PEX5L: variants seen among roughly 807,000 people sequenced by gnomAD.
PEX5L encodes the protein peroxisomal biogenesis factor 5 like, also known as PEX5-related protein.
In PEX5L, 30 loss-of-function variants were observed where a neutral mutation model predicts 84.0. That is an observed-to-expected ratio of 0.36 (90% CI 0.27 to 0.48). The LOEUF (loss-of-function observed/expected upper bound fraction) is 0.48. PEX5L is among the 20% of genes least tolerant of loss of function. PEX5L has a pLI of 0.99. For synonymous variants in PEX5L, 270 were observed against 283.1 expected (o/e 0.95, Z 0.46); for missense variants, 533 against 754.6 (o/e 0.71, Z 3.44).
chr3:179,948,717 GA>G (rs1434844277), intron 2 of PEX5L, among the ~76,000 whole-genome samples: 2 of 152,084 alleles, frequency 1.3e-5, no homozygotes, highest in Non-Finnish European at 2.9e-5. Flanking sequence ...ACCAGCTGCT[GA>G]AAAAACAAAG....
chr3:179,985,531 C>A (rs1038202041), intron 1 of PEX5L, among the ~76,000 whole-genome samples: 1 of 152,010 alleles, frequency 6.6e-6, no homozygotes, highest in African/African-American at 2.4e-5. Flanking sequence ...AGGACTGGTT[C>A]AAACCAGCTT....
chr3:179,852,257 G>A (rs768736309), intron 8 of PEX5L, among the ~76,000 whole-genome samples: 4 of 152,142 alleles, frequency 2.6e-5, no homozygotes, highest in Admixed American at 6.6e-5. Context: ...TCCCTCATGT[G>A]GTGTGGACAG....
At chr3:179,915,933 T>C (rs1371708914) in intron 2 of PEX5L, among the ~76,000 whole-genome samples, 2 of 152,210 alleles carry the variant, frequency 1.3e-5, no homozygotes, top group African/African-American at 2.4e-5. Context: ...AAGTTTCCAG[T>C]TGAATCTCAC....
At chr3:179,870,086 C>T (rs111408759) in intron 7 of PEX5L, among the ~76,000 whole-genome samples, 16 of 152,270 alleles carry the variant, frequency 1.1e-4, no homozygotes, top group African/African-American at 3.6e-4. Context: ...GAATTGCATG[C>T]CAGGTTCTGG....
At chr3:180,028,449 A>G (rs964406041) in intron 1 of PEX5L, among the ~76,000 whole-genome samples, 40 of 152,360 alleles carry the variant, frequency 2.6e-4, no homozygotes, top group African/African-American at 9.4e-4. Context: ...TTATACTACA[A>G]CTGAAAAGCA....
intron 6 of PEX5L, among the ~76,000 whole-genome samples, chr3:179,874,726 GTTTTTTTTTTTGTTTTTTTT>G (rs1238560200): frequency 2.9e-4 from 13 of 45,204 alleles, no homozygotes; most frequent in South Asian, 2.3e-3. Flanking sequence ...AAAAATTATG[GTTTTTTTTTTTGTTTTTTTT>G]TTTTTTTTTT....
chr3:179,889,616 T>G (rs557238079), intron 3 of PEX5L, among the ~76,000 whole-genome samples: 1 of 152,322 alleles, frequency 6.6e-6, no homozygotes, highest in African/African-American at 2.4e-5. Context: ...CCTCGCAGAT[T>G]TTGCTAGGAA....
chr3:179,923,258 TC>T (rs2109450516), intron 2 of PEX5L, among the ~76,000 whole-genome samples: 1 of 125,506 alleles, frequency 8.0e-6, no homozygotes, highest in South Asian at 2.6e-4. Flanking sequence ...GCCACTGCAC[TC>T]CAGCCTGGGC....
At chr3:179,973,191 A>G (rs1560997222) in intron 1 of PEX5L, 1 of 1,288,980 alleles carries the variant, frequency 7.8e-7, no homozygotes, top group Non-Finnish European at 1.0e-6. Flanking sequence ...CGGTTTCTGG[A>G]CAAAAGGGCA....
chr3:179,820,079 T>C, intron 8 of PEX5L, 103 bp from the exon 9 acceptor site: 1 of 1,537,268 alleles, frequency 6.5e-7, no homozygotes, highest in Admixed American at 1.9e-5. Flanking sequence ...TGGGGAGGAA[T>C]AAAATGGCTG....
At chr3:179,934,830 T>G (rs1376075957) in intron 2 of PEX5L, among the ~76,000 whole-genome samples, 1 of 152,222 alleles carries the variant, frequency 6.6e-6, no homozygotes. Flanking sequence ...TGGTAGCATT[T>G]GATTGTATTA....
chr3:179,841,670 C>G (rs574661765), intron 8 of PEX5L, among the ~76,000 whole-genome samples: 12 of 152,162 alleles, frequency 7.9e-5, no homozygotes, highest in Non-Finnish European at 1.5e-4. Context: ...TAAATTCATT[C>G]AACTTCTTAA....
At chr3:179,885,239 G>A (rs562759153) in intron 4 of PEX5L, among the ~76,000 whole-genome samples, 1 of 152,186 alleles carries the variant, frequency 6.6e-6, no homozygotes, top group East Asian at 1.9e-4. Flanking sequence ...CTAACACTGA[G>A]TACTCAGAAT....
chr3:179,849,824 C>A (rs1347301951), intron 8 of PEX5L, among the ~76,000 whole-genome samples: 2 of 152,208 alleles, frequency 1.3e-5, no homozygotes, highest in African/African-American at 4.8e-5. Flanking sequence ...ATCCAGAATG[C>A]AGATCGTGGA....
chr3:179,909,915 A>T (rs1444896304), intron 2 of PEX5L, among the ~76,000 whole-genome samples: 1 of 152,186 alleles, frequency 6.6e-6, no homozygotes, highest in Non-Finnish European at 1.5e-5. Context: ...CAGCCTCCAG[A>T]AACGGGAGAA....
chr3:179,812,406 C>A (rs1358133836), intron 10 of PEX5L, among the ~76,000 whole-genome samples: 1 of 152,132 alleles, frequency 6.6e-6, no homozygotes, highest in Non-Finnish European at 1.5e-5. Flanking sequence ...TGTTAAAATG[C>A]ACAAAACATA....
chr3:179,933,963 C>T (rs1415027291), intron 2 of PEX5L, among the ~76,000 whole-genome samples: 1 of 152,194 alleles, frequency 6.6e-6, no homozygotes, highest in Non-Finnish European at 1.5e-5. Context: ...GAACACTTCT[C>T]TAGCTGGGAA....
chr3:179,925,918 T>C (rs534102916), intron 2 of PEX5L, among the ~76,000 whole-genome samples: 118 of 152,282 alleles, frequency 7.7e-4, no homozygotes, highest in African/African-American at 2.6e-3. Flanking sequence ...ATATTGAAAA[T>C]TGTTTTCTCT....
intron 8 of PEX5L, among the ~76,000 whole-genome samples, chr3:179,844,261 A>G (rs1312267069): frequency 6.6e-6 from 1 of 152,234 alleles, no homozygotes; most frequent in Non-Finnish European, 1.5e-5. Context: ...ACTTGATCCA[A>G]ATAACCACTG....
Sources: gnomAD v4.1 joint callset for allele counts (sites outside exome capture counted in the v4.1 genomes callset) on GRCh38, gnomAD v4.1.1 for gene constraint, MANE v1.5 for transcripts, NCBI Gene and HGNC (gene_info 2026-07-23, HGNC 2026-07-21) for gene names.